Variants in PREX1 observed in about 807,000 individuals in gnomAD.
PREX1 encodes phosphatidylinositol 3,4,5-trisphosphate-dependent Rac exchanger 1 protein.
A neutral mutation model predicts 198.3 loss-of-function variants in PREX1; 41 were observed. The ratio of observed to expected loss-of-function variants is 0.21; its 90% CI spans 0.16 to 0.27. The LOEUF is 0.27. Ranked by LOEUF, PREX1 falls within the 10% of genes least tolerant of loss-of-function variation. PREX1 has a pLI of 1.00. For missense variants in PREX1, 1,620 were observed against 2,200.7 expected, an observed-to-expected ratio of 0.74 and a Z score of 5.28; for synonymous variants, 843 against 887.2, an observed-to-expected ratio of 0.95 and a Z score of 0.89.
At chr20:48,708,144 T>C in intron 6 of PREX1, 116 bp downstream of exon 6, 1 of 1,152,796 alleles carries the variant, frequency 8.7e-7, no homozygotes, top group Non-Finnish European at 1.2e-6. Context: ...GCAAACACTG[T>C]AGGCCAAACA....
At chr20:48,787,826 C>T (rs1187724045) in intron 1 of PREX1, among the ~76,000 whole-genome samples, 1 of 152,044 alleles carries the variant, frequency 6.6e-6, no homozygotes, top group Non-Finnish European at 1.5e-5. Context: ...GATCAAAACA[C>T]TTTTTTTCCC....
At chr20:48,782,769 A>G (rs2090295582) in intron 1 of PREX1, among the ~76,000 whole-genome samples, 1 of 152,180 alleles carries the variant, frequency 6.6e-6, no homozygotes, top group Admixed American at 6.5e-5. Context: ...GGCTGTGTTT[A>G]GAGGGTCCAT....
intron 1 of PREX1, among the ~76,000 whole-genome samples, chr20:48,774,595 T>C (rs909532031): frequency 6.6e-6 from 1 of 152,238 alleles, no homozygotes; most frequent in Non-Finnish European, 1.5e-5. Context: ...GATTCTGCCA[T>C]GTTTTCAGGG....
the PREX1 span, among the ~76,000 whole-genome samples, chr20:48,842,029 C>A: frequency 6.6e-6 from 1 of 152,130 alleles, no homozygotes; most frequent in Non-Finnish European, 1.5e-5. Context: ...TTTAATGCAT[C>A]ATTGCGTGTA....
intron 15 of PREX1, among the ~76,000 whole-genome samples, chr20:48,663,767 T>C (rs1262204756): frequency 6.6e-6 from 1 of 152,182 alleles, no homozygotes; most frequent in Non-Finnish European, 1.5e-5. Context: ...TCTGACCACT[T>C]CTAACCCCTT....
At chr20:48,884,089 C>G in the PREX1 span, among the ~76,000 whole-genome samples, 1 of 147,912 alleles carries the variant, frequency 6.8e-6, no homozygotes, top group East Asian at 2.0e-4. Context: ...TGCAGTGAGC[C>G]GAGATCACCA....
the PREX1 span, among the ~76,000 whole-genome samples, chr20:48,883,372 A>G: frequency 6.6e-6 from 1 of 152,124 alleles, no homozygotes; most frequent in African/African-American, 2.4e-5. Context: ...CATTGCATCT[A>G]TTAATTATTG....
At chr20:48,745,810 C>T (rs987894042) in intron 2 of PREX1, among the ~76,000 whole-genome samples, 1 of 152,190 alleles carries the variant, frequency 6.6e-6, no homozygotes, top group Non-Finnish European at 1.5e-5. Flanking sequence ...TACCCACCAC[C>T]CCGCCACACA....
chr20:48,706,237 G>C (rs1200735689), intron 6 of PREX1, among the ~76,000 whole-genome samples: 1 of 152,204 alleles, frequency 6.6e-6, no homozygotes, highest in Non-Finnish European at 1.5e-5. Flanking sequence ...TGCTGCAGCT[G>C]CTGAGGAGCT....
At chr20:48,641,522 C>T (rs1256926371) in intron 29 of PREX1, among the ~76,000 whole-genome samples, 1 of 151,948 alleles carries the variant, frequency 6.6e-6, no homozygotes, top group East Asian at 1.9e-4. Flanking sequence ...CACAGTGGCT[C>T]ATACCTGGAA....
intron 1 of PREX1, among the ~76,000 whole-genome samples, chr20:48,758,602 G>C (rs937478361): frequency 2.6e-5 from 4 of 152,212 alleles, no homozygotes; most frequent in African/African-American, 9.6e-5. Context: ...GAGCTGATGG[G>C]GAAAATCTCT....
At chr20:48,752,355 T>C (rs2090137690) in intron 1 of PREX1, among the ~76,000 whole-genome samples, 1 of 152,220 alleles carries the variant, frequency 6.6e-6, no homozygotes, top group Non-Finnish European at 1.5e-5. Flanking sequence ...TTCAGCAACT[T>C]GATTTTCTCA....
intron 18 of PREX1, among the ~76,000 whole-genome samples, chr20:48,656,717 C>T (rs1372413025): frequency 6.6e-6 from 1 of 152,194 alleles, no homozygotes; most frequent in African/African-American, 2.4e-5. Context: ...GTGCCACGCT[C>T]ACCAGCACAG....
At chr20:48,869,942 A>G in the PREX1 span, among the ~76,000 whole-genome samples, 2 of 152,252 alleles carry the variant, frequency 1.3e-5, no homozygotes, top group Non-Finnish European at 2.9e-5. Context: ...GCAAACCACC[A>G]TGGCACATGT....
Position 48,704,910 on chromosome 20 carries a change from AT to A in PREX1, c.783+3349del, listed in dbSNP as rs556788740. On this transcript the variant is annotated intron_variant, in intron 6 of 39. Transcript: ENST00000371941. ...CCTTTTTTATCACTGTGAGCTTCAC[AT>A]GGAAGTCCATGCGGCTGCATCTGGA... is the stretch of plus-strand genomic sequence containing the variant. Among the ~76,000 whole-genome samples, 563 of 152,322 alleles carry A rather than the reference AT, an allele frequency of 3.7e-3. 2 individuals carry two copies. Among genetic ancestry groups the A allele is most frequent in the Middle Eastern group, 0.024 (7 of 294 alleles).
At chr20:48,885,172 A>T in the PREX1 span, among the ~76,000 whole-genome samples, 11 of 152,232 alleles carry the variant, frequency 7.2e-5, no homozygotes, top group African/African-American at 2.7e-4. Context: ...AATACTAGCC[A>T]CTATCATCAT....
At chr20:48,698,715 G>C (rs1231696255) in intron 7 of PREX1, among the ~76,000 whole-genome samples, 1 of 152,148 alleles carries the variant, frequency 6.6e-6, no homozygotes, top group Non-Finnish European at 1.5e-5. Flanking sequence ...AAGGGCAATG[G>C]GGAAGGGCCT....
At chr20:48,777,773 C>G (rs867101961) in intron 1 of PREX1, among the ~76,000 whole-genome samples, 1 of 152,184 alleles carries the variant, frequency 6.6e-6, no homozygotes, top group Admixed American at 6.5e-5. Flanking sequence ...CAAAGACCTG[C>G]GGAGAGGCTG....
Position 48,642,151 on chromosome 20 carries a change from A to C in PREX1, c.3775+17T>G, listed in dbSNP as rs2089418742. ...TCCCCATCGCAGGCTGTCACCTTGG[A>C]CTGGCTATCCCCTCACCTTGTAAGC... On this transcript the variant is annotated intron_variant, in intron 29 of 39. Transcript: ENST00000371941. 1 of 1,612,070 alleles carries C rather than the reference A, an allele frequency of 6.2e-7. No individual in the cohort carries two copies. The highest frequency in any genetic ancestry group is 1.3e-5 in the African/African-American group (1 of 74,864).
Sources: gnomAD v4.1 joint callset for allele counts (sites outside exome capture counted in the v4.1 genomes callset) on GRCh38, gnomAD v4.1.1 for gene constraint, MANE v1.5 for transcripts, NCBI Gene and HGNC (gene_info 2026-07-23, HGNC 2026-07-21) for gene names.